ESR1: variants seen among roughly 807,000 people sequenced by gnomAD.
ESR1 encodes estrogen receptor 1.
A neutral mutation model predicts 52.7 loss-of-function variants in ESR1; 12 were observed. That is an observed-to-expected ratio of 0.23 (90% CI 0.15 to 0.37). The LOEUF is 0.37. Among genes scored for constraint, ESR1 ranks in the 10% least tolerant of loss-of-function variants. The pLI, the probability that ESR1 is intolerant of heterozygous loss-of-function variation, is 1.00. For synonymous variants in ESR1, 305 were observed against 316.8 expected (o/e 0.96, Z 0.39); for missense variants, 584 against 779.7 (o/e 0.75, Z 2.99).
intron 6 of ESR1, among the ~76,000 whole-genome samples, chr6:152,066,210 A>T (rs563236742): frequency 1.7e-4 from 26 of 152,312 alleles, no homozygotes; most frequent in African/African-American, 6.0e-4. Flanking sequence ...TCAAGGAAGT[A>T]TTTGTTTCAT....
rs1328463005 is a variant in ESR1 at position 152,102,429 on chromosome 6, C to A, written c.*3463C>A. On this transcript the variant is annotated 3_prime_UTR_variant, in exon 8 of 8. Coordinates refer to ENST00000206249, the MANE Select transcript of ESR1 (RefSeq NM_000125.4). ...TCACAGGCAGATCTGCTTGGGGAAG[C>A]TAGTTATGTGAAAGGCAAATAGAGT... 2 of 207,664 alleles carry A rather than the reference C, an allele frequency of 9.6e-6. No individual in the cohort carries two copies. The highest frequency in any genetic ancestry group is 4.6e-5 in the African/African-American group (2 of 43,950). 12.9% of individuals were successfully genotyped at this position (207,664 alleles called of 1,614,324 possible).
At chr6:151,888,169 C>A (rs868533841) in intron 3 of ESR1, among the ~76,000 whole-genome samples, 3 of 151,922 alleles carry the variant, frequency 2.0e-5, no homozygotes, top group African/African-American at 7.3e-5. Context: ...TGGTTCCATA[C>A]AAATTTTTGG....
At chr6:151,812,274 CAT>C (rs1778947354) in intron 1 of ESR1, among the ~76,000 whole-genome samples, 1 of 152,092 alleles carries the variant, frequency 6.6e-6, no homozygotes, top group Non-Finnish European at 1.5e-5. Context: ...ATTTTACTCA[CAT>C]GTTAATATTT....
At chr6:151,668,060 G>A (rs1280010962) in intron 1 of ESR1, among the ~76,000 whole-genome samples, 1 of 152,154 alleles carries the variant, frequency 6.6e-6, no homozygotes, top group African/African-American at 2.4e-5. Flanking sequence ...GAGTGTCTTA[G>A]TCTATTCTGT....
chr6:151,782,662 C>T (rs1044786531), intron 2 of ESR1, among the ~76,000 whole-genome samples: 2 of 152,140 alleles, frequency 1.3e-5, no homozygotes, highest in Non-Finnish European at 2.9e-5. Context: ...TAACATTCCT[C>T]ATTATTCTGG....
At chr6:151,768,388 A>G (rs1327700519) in intron 2 of ESR1, among the ~76,000 whole-genome samples, 2 of 152,206 alleles carry the variant, frequency 1.3e-5, no homozygotes, top group African/African-American at 4.8e-5. Context: ...AGAACTCTTC[A>G]AAATTGTCAA....
chr6:152,063,677 C>T (rs2047731124), intron 6 of ESR1, among the ~76,000 whole-genome samples: 1 of 152,200 alleles, frequency 6.6e-6, no homozygotes, highest in African/African-American at 2.4e-5. Context: ...ATTCATGGCC[C>T]TGATACGGGG....
chr6:151,692,800 C>T (rs1374438338), intron 1 of ESR1, among the ~76,000 whole-genome samples: 1 of 152,186 alleles, frequency 6.6e-6, no homozygotes, highest in Non-Finnish European at 1.5e-5. Flanking sequence ...TGAGTTTTAT[C>T]GTTCTATCTA....
intron 5 of ESR1, among the ~76,000 whole-genome samples, chr6:152,027,466 G>A (rs1324496660): frequency 6.6e-6 from 1 of 152,098 alleles, no homozygotes; most frequent in East Asian, 1.9e-4. Flanking sequence ...TTTTCAGGAA[G>A]AGCTCATGAT....
intron 3 of ESR1, among the ~76,000 whole-genome samples, chr6:151,900,052 G>A (rs1234042484): frequency 6.6e-6 from 1 of 152,252 alleles, no homozygotes; most frequent in Non-Finnish European, 1.5e-5. Context: ...GCTGCTGGGA[G>A]GTGGAGGTTG....
intron 4 of ESR1, among the ~76,000 whole-genome samples, chr6:151,985,536 C>CAAAAAAAAAAAAAA (rs2040402313): frequency 4.4e-5 from 3 of 68,028 alleles, no homozygotes; most frequent in African/African-American, 2.2e-4. Context: ...AAAAAAAACA[C>CAAAAAAAAAAAAAA]AAACAAAAAA....
intron 3 of ESR1, among the ~76,000 whole-genome samples, chr6:151,918,963 G>A (rs2031002416): frequency 6.6e-6 from 1 of 152,162 alleles, no homozygotes; most frequent in Admixed American, 6.5e-5. Flanking sequence ...TATTTAAAAT[G>A]AGTTGCATTA....
At chr6:151,837,922 T>C (rs1358607733) in intron 1 of ESR1, among the ~76,000 whole-genome samples, 3 of 152,192 alleles carry the variant, frequency 2.0e-5, no homozygotes, top group Non-Finnish European at 2.9e-5. Flanking sequence ...AAGTCTCCCC[T>C]TAGGAAAGCA....
At chr6:152,082,812 A>T (rs1269605100) in intron 6 of ESR1, among the ~76,000 whole-genome samples, 1 of 152,216 alleles carries the variant, frequency 6.6e-6, no homozygotes, top group Non-Finnish European at 1.5e-5. Context: ...ATTCCTGTAC[A>T]CCAATAATAG....
rs149070549 is a variant in ESR1 at position 151,676,519 on chromosome 6, G to T, written n.73+19756G>T. On this transcript the variant is annotated intron_variant and non_coding_transcript_variant, in intron 1 of 2. Transcript: ENST00000473497. ...TCGGAGATTTTTCACAATCACCAAG[G>T]AAATATAGTTCAGTGCTCCTGTTTA... Among the ~76,000 whole-genome samples, 17 of 152,286 alleles carry T rather than the reference G, an allele frequency of 1.1e-4. No homozygotes were observed. In the East Asian group the frequency reaches 2.3e-3, roughly 21 times the overall value.
At chr6:151,890,107 C>T (rs1453559882) in intron 3 of ESR1, among the ~76,000 whole-genome samples, 3 of 147,944 alleles carry the variant, frequency 2.0e-5, no homozygotes, top group African/African-American at 7.5e-5. Context: ...TTTTTTGAGA[C>T]AGAGTCTCAC....
chr6:151,706,741 T>C (rs1022474407), intron 2 of ESR1, among the ~76,000 whole-genome samples: 1 of 152,164 alleles, frequency 6.6e-6, no homozygotes, highest in African/African-American at 2.4e-5. Context: ...GGAGGAAGTG[T>C]TTCCAGTGTT....
At chr6:151,897,286 T>A (rs1189343682) in intron 3 of ESR1, among the ~76,000 whole-genome samples, 1 of 152,140 alleles carries the variant, frequency 6.6e-6, no homozygotes, top group African/African-American at 2.4e-5. Flanking sequence ...AGTATTGAAG[T>A]CCCCCACTAT....
At chr6:151,949,640 C>T (rs939175919) in intron 4 of ESR1, among the ~76,000 whole-genome samples, 6 of 152,246 alleles carry the variant, frequency 3.9e-5, no homozygotes, top group Non-Finnish European at 8.8e-5. Context: ...ATGGCAGCCC[C>T]TCTGGACTGG....
Sources: gnomAD v4.1 joint callset for allele counts (sites outside exome capture counted in the v4.1 genomes callset) on GRCh38, gnomAD v4.1.1 for gene constraint, MANE v1.5 for transcripts, NCBI Gene and HGNC (gene_info 2026-07-23, HGNC 2026-07-21) for gene names.